Variants in CSMD1 observed in about 807,000 individuals in gnomAD.
The protein encoded by CSMD1 is CUB and sushi domain-containing protein 1.
In CSMD1, 213 loss-of-function variants were observed where a neutral mutation model predicts 417.5. That is an observed-to-expected ratio of 0.51 (90% confidence interval 0.46 to 0.57). CSMD1 has a LOEUF of 0.57. CSMD1 is among the 20% of genes least tolerant of loss of function. The pLI, the probability that CSMD1 is intolerant of heterozygous loss-of-function variation, is 0.00. For synonymous variants in CSMD1, 2,862 were observed against 1,736.8 expected (o/e 1.65, Z -16.11); for missense variants, 6,923 against 4,529.7 (o/e 1.53, Z -15.17).
chr8:3,910,882 T>A (rs1303678103), intron 5 of CSMD1, among the ~76,000 whole-genome samples: 1 of 152,182 alleles, frequency 6.6e-6, no homozygotes, highest in Non-Finnish European at 1.5e-5. Context: ...TCAAGAGAAC[T>A]GGAAAAATAA....
chr8:4,170,172 A>G (rs538145381), intron 3 of CSMD1, among the ~76,000 whole-genome samples: 1 of 151,814 alleles, frequency 6.6e-6, no homozygotes, highest in Admixed American at 6.6e-5. Context: ...GATAAGAGTG[A>G]AGGACCTTTC....
chr8:3,586,007 G>A, intron 9 of CSMD1, 129 bp downstream of exon 9: 1 of 943,418 alleles, frequency 1.1e-6, no homozygotes, highest in East Asian at 2.7e-5. Context: ...ACATCACTAT[G>A]AAAACATACA....
At chr8:4,872,589 C>T (rs565017111) in intron 1 of CSMD1, among the ~76,000 whole-genome samples, 16 of 152,146 alleles carry the variant, frequency 1.1e-4, no homozygotes, top group African/African-American at 2.2e-4. Context: ...AAACACTTTC[C>T]TTTATAAATT....
chr8:4,425,955 C>A (rs987133429), intron 2 of CSMD1, among the ~76,000 whole-genome samples: 4 of 151,926 alleles, frequency 2.6e-5, no homozygotes, highest in East Asian at 3.9e-4. Context: ...AAAGTATCTT[C>A]ATTTTAGAGA....
chr8:4,938,831 T>C (rs1223938981), intron 1 of CSMD1, among the ~76,000 whole-genome samples: 1 of 152,226 alleles, frequency 6.6e-6, no homozygotes, highest in Non-Finnish European at 1.5e-5. Context: ...TGCCAAACAT[T>C]ATTGAAACAG....
intron 3 of CSMD1, among the ~76,000 whole-genome samples, chr8:4,127,070 C>T (rs1200142952): frequency 7.5e-6 from 1 of 133,808 alleles, no homozygotes; most frequent in Admixed American, 7.6e-5. Flanking sequence ...AAAAATCAGT[C>T]AATCTCCTGT....
At chr8:4,462,606 T>C (rs1046886146) in intron 2 of CSMD1, among the ~76,000 whole-genome samples, 5 of 152,212 alleles carry the variant, frequency 3.3e-5, no homozygotes, top group Non-Finnish European at 4.4e-5. Flanking sequence ...GGAAACCGCA[T>C]TGATCATGAT....
intron 10 of CSMD1, among the ~76,000 whole-genome samples, chr8:3,556,799 A>G (rs576190906): frequency 6.6e-5 from 10 of 152,284 alleles, no homozygotes; most frequent in Admixed American, 2.0e-4. Context: ...CTGCCAAAAG[A>G]GGCGACCTTG....
chr8:4,693,190 T>C (rs1216541447), intron 1 of CSMD1, among the ~76,000 whole-genome samples: 1 of 152,200 alleles, frequency 6.6e-6, no homozygotes, highest in Non-Finnish European at 1.5e-5. Flanking sequence ...GTTTCAGTAA[T>C]GAAATGTGAG....
chr8:3,416,565 G>C (rs1585132798), intron 12 of CSMD1, among the ~76,000 whole-genome samples: 1 of 152,196 alleles, frequency 6.6e-6, no homozygotes, highest in East Asian at 1.9e-4. Flanking sequence ...CAGAAGCATA[G>C]TTAGCACGCT....
intron 3 of CSMD1, among the ~76,000 whole-genome samples, chr8:4,262,009 C>T (rs1032718095): frequency 6.6e-6 from 1 of 152,124 alleles, no homozygotes. Context: ...AATTCTGAGA[C>T]TGCTTAATCT....
chr8:4,080,830 A>G (rs1800091476), intron 3 of CSMD1, among the ~76,000 whole-genome samples: 1 of 152,138 alleles, frequency 6.6e-6, no homozygotes, highest in Non-Finnish European at 1.5e-5. Flanking sequence ...AAATTCAATA[A>G]AGGTATTGCT....
At chr8:3,944,808 C>T (rs1811113268) in intron 5 of CSMD1, among the ~76,000 whole-genome samples, 3 of 152,070 alleles carry the variant, frequency 2.0e-5, no homozygotes. Flanking sequence ...TTTTGCGTTT[C>T]TTCCCCCGCC....
chr8:3,882,640 T>C (rs1806283198), intron 5 of CSMD1, among the ~76,000 whole-genome samples: 1 of 152,172 alleles, frequency 6.6e-6, no homozygotes, highest in Non-Finnish European at 1.5e-5. Context: ...GTAATTGCCC[T>C]CAGGGATATA....
chr8:3,917,289 T>G (rs1461236469), intron 5 of CSMD1, among the ~76,000 whole-genome samples: 1 of 152,080 alleles, frequency 6.6e-6, no homozygotes, highest in African/African-American at 2.4e-5. Context: ...TTCCTGAAAT[T>G]AGGTGATGCG....
intron 1 of CSMD1, among the ~76,000 whole-genome samples, chr8:4,757,624 C>G (rs955559784): frequency 2.6e-5 from 4 of 152,122 alleles, no homozygotes; most frequent in African/African-American, 9.7e-5. Flanking sequence ...ATTATGTGCT[C>G]TCTTCAGCTT....
chr8:3,848,805 C>T (rs74563289), intron 5 of CSMD1, among the ~76,000 whole-genome samples: 25,758 of 151,510 alleles, frequency 0.17, 2,397 homozygotes, highest in East Asian at 0.4. Context: ...TGATTAGCAG[C>T]GATTTTAAAG....
chr8:3,495,497 A>G (rs937977575), intron 10 of CSMD1, among the ~76,000 whole-genome samples: 1 of 152,256 alleles, frequency 6.6e-6, no homozygotes, highest in Non-Finnish European at 1.5e-5. Context: ...AAAGGTAGAC[A>G]GAGAAAGTCT....
At chr8:2,984,269 C>T (rs1374590666) in intron 54 of CSMD1, among the ~76,000 whole-genome samples, 2 of 152,180 alleles carry the variant, frequency 1.3e-5, no homozygotes, top group Non-Finnish European at 2.9e-5. Context: ...GGGAGCCGAG[C>T]AAACGCACAG....
Sources: gnomAD v4.1 joint callset for allele counts (sites outside exome capture counted in the v4.1 genomes callset) on GRCh38, gnomAD v4.1.1 for gene constraint, MANE v1.5 for transcripts, NCBI Gene and HGNC (gene_info 2026-07-23, HGNC 2026-07-21) for gene names.